SPOUT1: variants seen among roughly 807,000 people sequenced by gnomAD.
SPOUT1 encodes the protein SPOUT domain containing methyltransferase 1.
A neutral mutation model predicts 54.8 loss-of-function variants in SPOUT1; 40 were observed. The observed-to-expected ratio is 0.73, with a 90% CI of 0.57 to 0.95. The LOEUF (loss-of-function observed/expected upper bound fraction) is 0.95. SPOUT1 is among the 40% of genes least tolerant of loss of function. The pLI is 0.00. For synonymous variants in SPOUT1, 193 were observed against 200.3 expected, an observed-to-expected ratio of 0.96 and a Z score of 0.31; for missense variants, 437 against 499.5, an observed-to-expected ratio of 0.87 and a Z score of 1.19.
intron 10 of SPOUT1, 31 bp downstream of exon 10, chr9:128,824,041 T>G: frequency 6.3e-7 from 1 of 1,596,004 alleles, no homozygotes; most frequent in Non-Finnish European, 8.6e-7. Flanking sequence ...ACATTCCTCC[T>G]GCCCTGGCCG....
chr9:128,827,792 C>T (rs954584223), intron 3 of SPOUT1, among the ~76,000 whole-genome samples: 9 of 152,222 alleles, frequency 5.9e-5, no homozygotes, highest in Non-Finnish European at 1.3e-4. Flanking sequence ...CATGGTGGCG[C>T]ATGCCTGTAA....
In SPOUT1 at chr9:128,822,783, C is replaced by T. The variant is rs771988854; in HGVS notation, c.1113G>A (p.Ala371=). The T allele has an allele frequency of 1.8e-5, 29 of 1,585,264 alleles. No individual in the cohort carries two copies. Among genetic ancestry groups the T allele is most frequent in the East Asian group, 4.6e-5 (2 of 43,608 alleles). Reference sequence around the variant, plus strand: ...AGAACTTTCAGGTGTGCCGGGCACCCGCCTGGATGAGGCCAGGCTGCAGGG... The same window carrying T: ...AGAACTTTCAGGTGTGCCGGGCACCTGCCTGGATGAGGCCAGGCTGCAGGG... ...LAALQPGLIQ[A]GARHT The change falls in exon 12 of 12, where the codon GCG becomes GCA. Residue 371 remains alanine, a synonymous_variant. Transcript: ENST00000361256.
chr9:128,826,444 A>G lies in SPOUT1; in HGVS notation c.459-11T>C. 6.2e-7 allele frequency: 1 copy of G among 1,613,908 alleles called. No homozygotes were observed. Among genetic ancestry groups the G allele is most frequent in the Non-Finnish European group, 8.5e-7 (1 of 1,179,852 alleles). ...GCCTTCCTCAGGTACCTAGGAAAGA[A>G]TGCTGACCTCAGGATGTTCCCAGGG... On this transcript the variant is annotated splice_polypyrimidine_tract_variant and intron_variant, in intron 5 of 11. Transcript: ENST00000361256. The surrounding 1 kb of genome is among the most constrained non-coding windows in gnomAD (Gnocchi z 5.5).
rs1173661434 is a variant in SPOUT1, at chr9:128,825,876, C to T, written c.639+146G>A. 4.3e-6 allele frequency: 4 copies of T among 925,320 alleles called. No homozygotes were observed. The East Asian group carries it at 9.8e-5, about 23-fold the overall frequency. The allele number at this position is 925,320 out of a possible 1,614,324, so 57.3% of individuals were successfully genotyped here. A position where few individuals can be genotyped will look rare whatever the true frequency, so the allele number is the denominator to read the frequency against. On this transcript the variant is annotated intron_variant, in intron 7 of 11. Coordinates refer to ENST00000361256, the MANE Select transcript of SPOUT1 (RefSeq NM_016390.4). ...TTCATTCCTGGCTTTATCTATTGAG[C>T]CCCATTTTGCACAATTCTCTGGCCC...
Position 128,826,168 on chromosome 9 carries a change from CG to C in SPOUT1, c.509-17del. 1 of 1,593,862 alleles carries C rather than the reference CG, an allele frequency of 6.3e-7. No individual in the cohort carries two copies. Among genetic ancestry groups the C allele is most frequent in the Non-Finnish European group, 8.5e-7 (1 of 1,169,784 alleles). ...TTCAGGAGCCCTGTGGAGGCAGAGCCGGGAAGAGTCTGGGAAGTGCTAGGGC... is the reference window on the plus strand; with the variant it reads ...TTCAGGAGCCCTGTGGAGGCAGAGCCGGAAGAGTCTGGGAAGTGCTAGGGC... On this transcript the variant is annotated splice_polypyrimidine_tract_variant and intron_variant, in intron 6 of 11. Transcript: ENST00000361256. The surrounding 1 kb of genome is among the most constrained non-coding windows in gnomAD (Gnocchi z 5.5).
At position 128,826,590 on chromosome 9, in the gene SPOUT1, C is replaced by T; in HGVS notation, c.408G>A (p.Gly136=). The T allele has an allele frequency of 4.4e-6, 7 of 1,600,782 alleles. No homozygotes were observed. Among genetic ancestry groups the T allele is most frequent in the Non-Finnish European group, 6.0e-6 (7 of 1,172,800 alleles). The change falls in exon 5 of 12, where the codon GGG becomes GGA. Residue 136 remains glycine (G), a synonymous_variant. Coordinates refer to ENST00000361256, the MANE Select transcript of SPOUT1 (RefSeq NM_016390.4). The surrounding 1 kb of genome is among the most constrained non-coding windows in gnomAD (Gnocchi z 5.5). ...TCCGGGCCAGCTGTACGCACGCCTG[C>T]CCCTTCTTCCCAACTCCTGTGAATT... ...EGEFTGVGKK[G]QACVQLARIL...
chr9:128,829,677 C>A (rs750414645), intron 1 of SPOUT1, 68 bp downstream of exon 1: 8 of 1,252,856 alleles, frequency 6.4e-6, no homozygotes, highest in Non-Finnish European at 9.1e-6. Flanking sequence ...CCGGCGAAGG[C>A]CCCCACGCCA....
In SPOUT1 at chr9:128,827,040, C is replaced by T. The variant is rs368133950; in HGVS notation, c.360G>A (p.Gln120=). The change falls in exon 4 of 12, where the codon CAG becomes CAA. Residue 120 remains glutamine (Q), a synonymous_variant. Transcript: ENST00000361256. ...DEIVVFDEEG[Q]DAKTVEGEFT... is the part of the protein sequence containing the mutation. ...GTGGGATGGCCCCTTACTTGGCATC[C>T]TGGCCCTCCTCATCAAACACCACGA... 1.9e-6 allele frequency: 3 copies of T among 1,613,734 alleles called. No homozygotes were observed. The highest frequency in any genetic ancestry group is 1.3e-5 in the African/African-American group (1 of 74,942).
At chr9:128,829,643 G>C (rs1319043094) in intron 1 of SPOUT1, 102 bp downstream of exon 1, 1 of 884,080 alleles carries the variant, frequency 1.1e-6, no homozygotes, top group African/African-American at 1.7e-5. Context: ...GCGGGAAGCA[G>C]GCAGCAGGAG....
In SPOUT1 at chr9:128,829,171, TAGG is replaced by T. The variant is rs774874084; in HGVS notation, c.37-19_37-17del. The T allele has an allele frequency of 1.2e-6, 2 of 1,611,504 alleles. No homozygotes were observed. Among genetic ancestry groups the T allele is most frequent in the Admixed American group, 1.7e-5 (1 of 59,992 alleles). Reference sequence around the variant, plus strand: ...CGTGTTCACCCTGGAGAAGGAGTGGTAGGAGGATTATGAGTGTGAGGCTGATGG... The same window carrying T: ...CGTGTTCACCCTGGAGAAGGAGTGGTAGGATTATGAGTGTGAGGCTGATGG... On this transcript the variant is annotated splice_polypyrimidine_tract_variant and intron_variant, in intron 1 of 11. Coordinates refer to ENST00000361256, the MANE Select transcript of SPOUT1 (RefSeq NM_016390.4).
At chr9:128,827,484 G>A (rs1425557039) in intron 3 of SPOUT1, among the ~76,000 whole-genome samples, 1 of 152,196 alleles carries the variant, frequency 6.6e-6, no homozygotes, top group African/African-American at 2.4e-5. Context: ...CTATCAAATG[G>A]GGATAAAATG....
chr9:128,823,131 A>AGGGGTTGGAAGGGTGGCAGCC (rs1344097652), intron 11 of SPOUT1, among the ~76,000 whole-genome samples: 1 of 152,052 alleles, frequency 6.6e-6, no homozygotes, highest in East Asian at 1.9e-4. Context: ...CCCCTCGTGC[A>AGGGGTTGGAAGGGTGGCAGCC]GGGGTTGGAA....
chr9:128,820,813 CGTCTAT>C lies in SPOUT1; in HGVS notation c.*1946_*1951del. On this transcript the variant is annotated 3_prime_UTR_variant, in exon 12 of 12. Transcript: ENST00000361256. ...GCAGCTTGACCCGCAGCTACCAAAA[CGTCTAT>C]GTCTGCACAGGGCCACTCTTCCTGC... 2 of 1,612,120 alleles carry C rather than the reference CGTCTAT, an allele frequency of 1.2e-6. No individual in the cohort carries two copies. Among genetic ancestry groups the C allele is most frequent in the Non-Finnish European group, 1.7e-6 (2 of 1,179,132 alleles).
At position 128,821,546 on chromosome 9, in the gene SPOUT1, A is replaced by G. The variant is rs1830119271; in HGVS notation, c.*1219T>C. On this transcript the variant is annotated 3_prime_UTR_variant, in exon 12 of 12. Coordinates refer to ENST00000361256, the MANE Select transcript of SPOUT1 (RefSeq NM_016390.4). ...TAGATCTGCCTGACCCAGGGCCTCCACTCTTGCTCCTGTGCAGCCCTGCCT... is the reference window on the plus strand; with the variant it reads ...TAGATCTGCCTGACCCAGGGCCTCCGCTCTTGCTCCTGTGCAGCCCTGCCT... The G allele has an allele frequency of 6.6e-6, 1 of 152,494 alleles. No homozygotes were observed. Among genetic ancestry groups the G allele is most frequent in the African/African-American group, 2.4e-5 (1 of 40,872 alleles). The allele number at this position is 152,494 out of a possible 1,614,324, so 9.4% of individuals were successfully genotyped here. A position where few individuals can be genotyped will look rare whatever the true frequency, so the allele number is the denominator to read the frequency against.
In SPOUT1 at chr9:128,821,210, A is replaced by G. The variant is rs554967468; in HGVS notation, c.*1555T>C. 85 of 288,854 alleles carry G rather than the reference A, an allele frequency of 2.9e-4. No homozygotes were observed. In the East Asian group the frequency reaches 7.1e-3, roughly 24 times the overall value. The allele number at this position is 288,854 out of a possible 1,614,324, so 17.9% of individuals were successfully genotyped here. On this transcript the variant is annotated 3_prime_UTR_variant, in exon 12 of 12. Transcript: ENST00000361256. ...TCCCACCTTCCCCCCGCAGGTCTGC[A>G]GTGCACCAAGCTCTCCCGCCTTCCC...
chr9:128,822,866 T>TG (rs1830155571), intron 11 of SPOUT1, 33 bp from the exon 12 acceptor site: 1 of 1,509,720 alleles, frequency 6.6e-7, no homozygotes, highest in South Asian at 1.2e-5. Flanking sequence ...GGCTGGGGCC[T>TG]GGGGGGCTAG....
Position 128,820,917 on chromosome 9 carries a change from C to T in SPOUT1, c.*1848G>A. The T allele has an allele frequency of 7.2e-7, 1 of 1,397,924 alleles. No individual in the cohort carries two copies. The highest frequency in any genetic ancestry group is 9.9e-7 in the Non-Finnish European group (1 of 1,008,094). The allele number at this position is 1,397,924 out of a possible 1,614,324, so 86.6% of individuals were successfully genotyped here. A position where few individuals can be genotyped will look rare whatever the true frequency, so the allele number is the denominator to read the frequency against. Reference sequence around the variant, plus strand: ...GAGGCCCCTACTGCCACTCACAGGGCCAGGCTTGCCCCAGGCTCTGGGTCA... The same window carrying T: ...GAGGCCCCTACTGCCACTCACAGGGTCAGGCTTGCCCCAGGCTCTGGGTCA... On this transcript the variant is annotated 3_prime_UTR_variant, in exon 12 of 12. Coordinates refer to ENST00000361256, the MANE Select transcript of SPOUT1 (RefSeq NM_016390.4).
chr9:128,821,126 CCACCCAATCTTGTTCTG>C lies in SPOUT1; in HGVS notation c.*1622_*1638del, dbSNP rs1830105076. 2 of 497,478 alleles carry C rather than the reference CCACCCAATCTTGTTCTG, an allele frequency of 4.0e-6. No homozygotes were observed. The highest frequency in any genetic ancestry group is 7.3e-6 in the Non-Finnish European group (2 of 273,758). The allele number at this position is 497,478 out of a possible 1,614,324, so 30.8% of individuals were successfully genotyped here. ...TCCCTGCTGTCACCTCTTGGCATGC[CCACCCAATCTTGTTCTG>C]CCAATATGGAACCCCCCGCAGGTCT... On this transcript the variant is annotated 3_prime_UTR_variant, in exon 12 of 12. Transcript: ENST00000361256.
Position 128,828,730 on chromosome 9 carries a change from C to G in SPOUT1, c.208+5G>C. ...CCTGTGGCCCTCCCCAAGACCCCAG[C>G]TCACCGCGGTCCTCCTTCTCTGCCG... On this transcript the variant is annotated splice_donor_5th_base_variant and intron_variant, in intron 3 of 11. Transcript: ENST00000361256. 1 of 1,613,250 alleles carries G rather than the reference C, an allele frequency of 6.2e-7. No homozygotes were observed. Among genetic ancestry groups the G allele is most frequent in the Non-Finnish European group, 8.5e-7 (1 of 1,180,022 alleles).
Sources: gnomAD v4.1 joint callset for allele counts (sites outside exome capture counted in the v4.1 genomes callset) on GRCh38, gnomAD v4.1.1 for gene constraint, Gnocchi (gnomAD v3.1) non-coding constraint, MANE v1.5 for transcripts, NCBI Gene and HGNC (gene_info 2026-07-23, HGNC 2026-07-21) for gene names.